RYR2: variants seen among roughly 807,000 people sequenced by gnomAD.
RYR2 encodes the protein cardiac muscle ryanodine receptor-calcium release channel.
Under a neutral mutation model 601.1 loss-of-function variants are expected in RYR2, and 227 were observed. The observed-to-expected ratio is 0.38, with a 90% CI of 0.34 to 0.42. The LOEUF (loss-of-function observed/expected upper bound fraction) is 0.42, where lower values mean the gene tolerates loss of function less well. RYR2 is among the 10% of genes least tolerant of loss of function. The pLI is 1.00. For synonymous variants in RYR2, 2,223 were observed against 2,175.1 expected (o/e 1.02, Z -0.61); for missense variants, 4,646 against 6,156.5 (o/e 0.75, Z 8.21).
intron 8 of RYR2, among the ~76,000 whole-genome samples, chr1:237,385,144 C>T (rs555452402): frequency 1.4e-4 from 22 of 152,292 alleles, no homozygotes; most frequent in South Asian, 1.0e-3. Context: ...CTGCCTCAGT[C>T]TCCCATAGTG....
intron 16 of RYR2, among the ~76,000 whole-genome samples, chr1:237,463,778 A>G (rs1659743879): frequency 6.6e-6 from 1 of 152,190 alleles, no homozygotes; most frequent in Non-Finnish European, 1.5e-5. Context: ...TTGTACCTTG[A>G]CGCACCATAC....
At chr1:237,717,446 C>A in intron 72 of RYR2, 78 bp downstream of exon 72, 2 of 1,176,094 alleles carry the variant, frequency 1.7e-6, no homozygotes, top group Non-Finnish European at 2.3e-6. Context: ...TGTCTCACTG[C>A]CCTATGTCAA....
At chr1:237,107,634 C>T (rs550734431) in intron 1 of RYR2, among the ~76,000 whole-genome samples, 45 of 152,186 alleles carry the variant, frequency 3.0e-4, no homozygotes, top group South Asian at 6.2e-4. Context: ...GTGAAGCTTC[C>T]GATTCCTGGC....
At chr1:237,198,091 G>C (rs1187604361) in intron 1 of RYR2, among the ~76,000 whole-genome samples, 1 of 152,220 alleles carries the variant, frequency 6.6e-6, no homozygotes, top group African/African-American at 2.4e-5. Flanking sequence ...AATTCAAGTA[G>C]AACATTTCAG....
At chr1:237,639,295 C>T in intron 46 of RYR2, 94 bp downstream of exon 46, 1 of 1,183,096 alleles carries the variant, frequency 8.5e-7, no homozygotes, top group Non-Finnish European at 1.2e-6. Flanking sequence ...TGTAATATAA[C>T]TTGTGGTACA....
chr1:237,103,589 A>G (rs1668355537), intron 1 of RYR2, among the ~76,000 whole-genome samples: 1 of 151,966 alleles, frequency 6.6e-6, no homozygotes, highest in African/African-American at 2.4e-5. Context: ...TTTTTTTGAG[A>G]CAGAATTTCA....
chr1:237,095,278 T>A (rs1667396298), intron 1 of RYR2, among the ~76,000 whole-genome samples: 1 of 152,172 alleles, frequency 6.6e-6, no homozygotes, highest in African/African-American at 2.4e-5. Context: ...TAGGGTTGGG[T>A]ACCGTACATT....
intron 11 of RYR2, 78 bp downstream of exon 11, chr1:237,417,201 T>C (rs1422208090): frequency 1.2e-5 from 14 of 1,129,268 alleles, no homozygotes; most frequent in African/African-American, 3.1e-5. Context: ...TGTCAGCCTG[T>C]GATGCTGAAA....
intron 25 of RYR2, among the ~76,000 whole-genome samples, chr1:237,546,099 CTG>C (rs1213292161): frequency 6.6e-6 from 1 of 151,738 alleles, no homozygotes; most frequent in Non-Finnish European, 1.5e-5. Context: ...TGTCAGAAGT[CTG>C]TCGAATACAA....
At position 237,106,830 on chromosome 1, in the gene RYR2, G is replaced by T. The variant is rs1366605834; in HGVS notation, c.48+64261G>T. Among the ~76,000 whole-genome samples the T allele has an allele frequency of 1.3e-5, 2 of 152,164 alleles. No homozygotes were observed. The highest frequency in any genetic ancestry group is 2.9e-5 in the Non-Finnish European group (2 of 68,028). On this transcript the variant is annotated intron_variant, in intron 1 of 104. Coordinates refer to ENST00000366574, the MANE Select transcript of RYR2 (RefSeq NM_001035.3). The surrounding 1 kb of genome is among the most constrained non-coding windows in gnomAD (Gnocchi z 4.4). The stretch of plus-strand genomic sequence containing the variant: ...GTGTCTGGTGAAGGCTCGCTTCCTG[G>T]TTCATAGGCGGCTGTCTTCTTGCTG...
At chr1:237,383,576 C>G (rs1172801809) in intron 8 of RYR2, among the ~76,000 whole-genome samples, 2 of 151,448 alleles carry the variant, frequency 1.3e-5, no homozygotes, top group African/African-American at 2.4e-5. Context: ...ACTGTAGGTG[C>G]CTGCCACCAC....
intron 25 of RYR2, 90 bp from the exon 26 acceptor site, chr1:237,548,341 C>A: frequency 7.3e-7 from 1 of 1,363,128 alleles, no homozygotes; most frequent in Non-Finnish European, 1.0e-6. Context: ...TATGGAAGAA[C>A]AGTAATGAGG....
chr1:237,192,271 T>C (rs1680047144), intron 1 of RYR2, among the ~76,000 whole-genome samples: 1 of 152,104 alleles, frequency 6.6e-6, no homozygotes, highest in African/African-American at 2.4e-5. Context: ...TGCAATGGTG[T>C]GATCTTGGTT....
chr1:237,355,535 TTTAC>T (rs1194032461), intron 3 of RYR2, among the ~76,000 whole-genome samples: 1 of 152,146 alleles, frequency 6.6e-6, no homozygotes, highest in Non-Finnish European at 1.5e-5. Context: ...TAAGAGAAAT[TTTAC>T]TTTAAGTGTC....
At chr1:237,712,260 G>T (rs1374301308) in intron 71 of RYR2, among the ~76,000 whole-genome samples, 1 of 152,038 alleles carries the variant, frequency 6.6e-6, no homozygotes, top group African/African-American at 2.4e-5. Flanking sequence ...CTTTTCAGGG[G>T]CTCCACATCA....
Position 237,702,002 on chromosome 1 carries a change from A to T in RYR2, c.9392A>T (p.Tyr3131Phe). ...GTGGAAGATGTCCAGGTGTCTTGTT[A>T]TAGAATTCTGACTAGCTTATATGCT... is the stretch of plus-strand genomic sequence containing the variant. The part of the protein sequence containing the change: ...LILEDVQVSC[Y>F]RILTSLYALG... The change falls in exon 66 of 105, where the codon TAT becomes TTT. Residue 3131 changes from tyrosine to phenylalanine, a missense_variant. Physicochemically the swap from Tyr to Phe is conservative, Grantham distance 22. Coordinates refer to ENST00000366574, the MANE Select transcript of RYR2 (RefSeq NM_001035.3). 6.2e-7 allele frequency: 1 copy of T among 1,606,522 alleles called. No individual in the cohort carries two copies. Among genetic ancestry groups the T allele is most frequent in the Non-Finnish European group, 8.5e-7 (1 of 1,173,418 alleles).
intron 2 of RYR2, among the ~76,000 whole-genome samples, chr1:237,291,868 A>G (rs556941189): frequency 6.6e-6 from 1 of 152,314 alleles, no homozygotes; most frequent in South Asian, 2.1e-4. Context: ...CTCAAAACCC[A>G]TCAAATATCC....
At chr1:237,095,290 C>G (rs1667398454) in intron 1 of RYR2, among the ~76,000 whole-genome samples, 1 of 152,140 alleles carries the variant, frequency 6.6e-6, no homozygotes, top group South Asian at 2.1e-4. Context: ...CCGTACATTT[C>G]TAGTCTCTGG....
At chr1:237,469,007 C>T in intron 16 of RYR2, 85 bp from the exon 17 acceptor site, 9 of 1,055,686 alleles carry the variant, frequency 8.5e-6, no homozygotes, top group South Asian at 1.3e-5. Context: ...GTTCTTGATC[C>T]AATATTTTAG....
Sources: allele counts gnomAD v4.1 joint callset (sites outside exome capture counted in the v4.1 genomes callset), GRCh38; gene constraint gnomAD v4.1.1; non-coding constraint Gnocchi (gnomAD v3.1); transcripts MANE v1.5; gene names NCBI Gene and HGNC (gene_info 2026-07-23, HGNC 2026-07-21).